Variants in PADI2 observed in about 807,000 individuals in gnomAD.
PADI2 encodes protein-arginine deiminase type-2.
PADI2 carries 70 observed loss-of-function variants against 81.1 expected under a neutral mutation model. The observed-to-expected ratio is 0.86, with a 90% CI of 0.71 to 1.05. The LOEUF is 1.05. PADI2 is among the 50% of genes least tolerant of loss of function. The pLI is 0.00. For missense variants in PADI2, 853 were observed against 889.9 expected (o/e 0.96, Z 0.53); for synonymous variants, 338 against 358.0 (o/e 0.94, Z 0.63).
chr1:17,075,916 C>T (rs1188244228), intron 11 of PADI2, 93 bp from the exon 12 acceptor site: 2 of 1,239,244 alleles, frequency 1.6e-6, no homozygotes, highest in Non-Finnish European at 2.3e-6. Flanking sequence ...ACCTCGGACC[C>T]AGAGTGACAT....
At chr1:17,093,725 G>T in intron 4 of PADI2, 41 bp from the exon 5 acceptor site, 1 of 1,186,310 alleles carries the variant, frequency 8.4e-7, no homozygotes, top group Non-Finnish European at 1.3e-6. Flanking sequence ...TCTTCTCTAT[G>T]CTTGTATAGA....
chr1:17,088,871 C>G (rs1037441158), intron 6 of PADI2, among the ~76,000 whole-genome samples: 1 of 141,004 alleles, frequency 7.1e-6, no homozygotes, highest in African/African-American at 2.7e-5. Flanking sequence ...TGCACCACTG[C>G]ACTCCAGCCT....
At chr1:17,110,686 A>G (rs971401341) in intron 1 of PADI2, among the ~76,000 whole-genome samples, 1 of 152,156 alleles carries the variant, frequency 6.6e-6, no homozygotes, top group Non-Finnish European at 1.5e-5. Context: ...GCATTGTTCC[A>G]TCTACTGTGC....
At chr1:17,117,694 C>T (rs1931807230) in intron 1 of PADI2, among the ~76,000 whole-genome samples, 1 of 152,230 alleles carries the variant, frequency 6.6e-6, no homozygotes, top group African/African-American at 2.4e-5. Flanking sequence ...CCCTCCTTTG[C>T]TCCCCACCCC....
chr1:17,100,660 A>AT (rs11380769), intron 3 of PADI2, among the ~76,000 whole-genome samples: 47,173 of 131,054 alleles, frequency 0.36, 8,599 homozygotes, highest in East Asian at 0.6. Flanking sequence ...TTGATAGCAA[A>AT]TTTTTTTTTT....
chr1:17,080,861 A>T (rs752349992), intron 10 of PADI2, among the ~76,000 whole-genome samples: 2 of 152,220 alleles, frequency 1.3e-5, no homozygotes, highest in Non-Finnish European at 2.9e-5. Context: ...GATGTGGCTT[A>T]TCCTGGCTCA....
intron 10 of PADI2, among the ~76,000 whole-genome samples, chr1:17,081,122 G>C (rs1280341885): frequency 6.6e-6 from 1 of 152,218 alleles, no homozygotes; most frequent in African/African-American, 2.4e-5. Flanking sequence ...ACCTGGAAAG[G>C]CCTCGCTTCT....
intron 12 of PADI2, chr1:17,075,394 A>T (rs1570977521): frequency 2.5e-6 from 1 of 404,878 alleles, no homozygotes; most frequent in Non-Finnish European, 4.4e-6. Flanking sequence ...TAGGTGTGTC[A>T]TGTGAGTAAA....
Position 17,079,526 on chromosome 1 carries a change from C to T in PADI2, c.1159-111G>A, listed in dbSNP as rs3818029. ...GTCTGGGTCTGTGGGCACCCAGTTT[C>T]CAGGTGGGTTGTCCACGGTCTTCCT... On this transcript the variant is annotated intron_variant, in intron 10 of 15. Coordinates refer to ENST00000375486, the MANE Select transcript of PADI2 (RefSeq NM_007365.3). 3,390 of 832,940 alleles carry T rather than the reference C, an allele frequency of 4.1e-3. 137 individuals carry two copies. The East Asian group carries it at 0.077, about 19-fold the overall frequency. The allele number at this position is 832,940 out of a possible 1,614,324, so 51.6% of individuals were successfully genotyped here.
intron 11 of PADI2, among the ~76,000 whole-genome samples, chr1:17,076,578 TG>T (rs940485895): frequency 6.6e-6 from 1 of 151,802 alleles, no homozygotes; most frequent in Non-Finnish European, 1.5e-5. Context: ...TTTCTTTTTT[TG>T]TGTGTGTTTG....
chr1:17,104,503 C>T (rs1382099608), intron 2 of PADI2, among the ~76,000 whole-genome samples: 7 of 107,814 alleles, frequency 6.5e-5, no homozygotes, highest in South Asian at 6.9e-4. Context: ...GGTGCGATCT[C>T]GGCTCACTGC....
Position 17,079,376 on chromosome 1 carries a change from C to T in PADI2, c.1198G>A (p.Glu400Lys), listed in dbSNP as rs1203490641. 1 of 1,614,092 alleles carries T rather than the reference C, an allele frequency of 6.2e-7. No homozygotes were observed. Among genetic ancestry groups the T allele is most frequent in the South Asian group, 1.1e-5 (1 of 91,080 alleles). ...FGYVTREPLF[E>K]SVTSLDSFGN... ...AATGAGTCAAGGCTGGTGACAGACTCAAAGAGGGGCTCCCGGGTCACGTAG... is the reference window on the plus strand; with the variant it reads ...AATGAGTCAAGGCTGGTGACAGACTTAAAGAGGGGCTCCCGGGTCACGTAG... Residue 400 changes from glutamate (E) to lysine (K), a missense_variant, in exon 11 of 16, where the codon GAG becomes AAG. Physicochemically the swap from Glu to Lys is moderately conservative, Grantham distance 56. Coordinates refer to ENST00000375486, the MANE Select transcript of PADI2 (RefSeq NM_007365.3).
Position 17,079,257 on chromosome 1 carries a change from C to G in PADI2, c.1310+7G>C, listed in dbSNP as rs369988153. 11 of 1,612,350 alleles carry G rather than the reference C, an allele frequency of 6.8e-6. No individual in the cohort carries two copies. In the South Asian group the frequency reaches 1.2e-4, roughly 18 times the overall value. ...ACAGCCCCTAGCCCCAGCCTGGCTT[C>G]TCTTACAGAGGAAAGCTGCTCCCGA... is the stretch of plus-strand genomic sequence containing the variant. On this transcript the variant is annotated splice_region_variant and intron_variant, in intron 11 of 15. Coordinates refer to ENST00000375486, the MANE Select transcript of PADI2 (RefSeq NM_007365.3).
chr1:17,070,115 G>A lies in PADI2; in HGVS notation c.1737C>T (p.His579=). 6.2e-7 allele frequency: 1 copy of A among 1,614,106 alleles called. No individual in the cohort carries two copies. Among genetic ancestry groups the A allele is most frequent in the Non-Finnish European group, 8.5e-7 (1 of 1,179,982 alleles). ...TGTTTGGGAAGAAGGCTCTGGCACGGTGGTCCTCGTCCATCTTGAACAGAG... is the reference window on the plus strand; with the variant it reads ...TGTTTGGGAAGAAGGCTCTGGCACGATGGTCCTCGTCCATCTTGAACAGAG... ...LPALFKMDED[H]RARAFFPNMV... The change falls in exon 15 of 16, where the codon CAC becomes CAT. Residue 579 remains histidine, a synonymous_variant. Transcript: ENST00000375486.
chr1:17,085,983 TCTC>T (rs1930381134), intron 7 of PADI2, among the ~76,000 whole-genome samples: 1 of 152,120 alleles, frequency 6.6e-6, no homozygotes, highest in Non-Finnish European at 1.5e-5. Flanking sequence ...CAGGACCTCT[TCTC>T]CTCATCCAGT....
At chr1:17,107,145 C>T (rs1931409310) in intron 1 of PADI2, among the ~76,000 whole-genome samples, 1 of 152,146 alleles carries the variant, frequency 6.6e-6, no homozygotes, top group Admixed American at 6.5e-5. Context: ...AGGTGGGATT[C>T]TCGTGGGATT....
Position 17,119,399 on chromosome 1 carries a change from T to C in PADI2, c.-28A>G. The C allele has an allele frequency of 6.6e-7, 1 of 1,509,300 alleles. No individual in the cohort carries two copies. The highest frequency in any genetic ancestry group is 8.9e-7 in the Non-Finnish European group (1 of 1,125,626). 93.5% of individuals were successfully genotyped at this position (1,509,300 alleles called of 1,614,324 possible). A position where few individuals can be genotyped will look rare whatever the true frequency, so the allele number is the denominator to read the frequency against. On this transcript the variant is annotated 5_prime_UTR_variant, in exon 1 of 16. Coordinates refer to ENST00000375486, the MANE Select transcript of PADI2 (RefSeq NM_007365.3). This position sits in a 1 kb window ranked among gnomAD's most constrained non-coding sequence, Gnocchi z 4.8. ...TCCCCGCCGCAGTGCCCGCGCTCGC[T>C]GGTCCGGGGCGGCCGGGAGCACCTG...
chr1:17,115,588 G>A lies in PADI2; in HGVS notation c.92+3692C>T, dbSNP rs994039248. 6.6e-6 allele frequency among the ~76,000 whole-genome samples: 1 copy of A among 152,226 alleles called. No homozygotes were observed. Among genetic ancestry groups the A allele is most frequent in the Non-Finnish European group, 1.5e-5 (1 of 68,046 alleles). On this transcript the variant is annotated intron_variant, in intron 1 of 15. Coordinates refer to ENST00000375486, the MANE Select transcript of PADI2 (RefSeq NM_007365.3). This position sits in a 1 kb window ranked among gnomAD's most constrained non-coding sequence, Gnocchi z 4.1. Reference sequence around the variant, plus strand: ...CTAATAATCCTTCCAGACTCTGGGAGTGTCCATGCCTCCAGGGCTCACAAG... The same window carrying A: ...CTAATAATCCTTCCAGACTCTGGGAATGTCCATGCCTCCAGGGCTCACAAG...
intron 6 of PADI2, among the ~76,000 whole-genome samples, chr1:17,088,038 G>GT (rs1930532310): frequency 6.6e-6 from 1 of 152,172 alleles, no homozygotes; most frequent in Non-Finnish European, 1.5e-5. Flanking sequence ...TGCAGCCTCT[G>GT]TAACAGCAGT....
Sources: gnomAD v4.1 joint callset for allele counts (sites outside exome capture counted in the v4.1 genomes callset) on GRCh38, gnomAD v4.1.1 for gene constraint, Gnocchi (gnomAD v3.1) non-coding constraint, MANE v1.5 for transcripts, NCBI Gene and HGNC (gene_info 2026-07-23, HGNC 2026-07-21) for gene names.